The following PTCHD4 variants were observed in gnomAD, a reference collection of about 807,000 sequenced individuals.
The protein encoded by PTCHD4 is patched domain-containing protein 4.
Under a neutral mutation model 58.1 loss-of-function variants are expected in PTCHD4, and 33 were observed. That is an observed-to-expected ratio of 0.57 (90% CI 0.43 to 0.76). PTCHD4 has a LOEUF of 0.76. Among genes scored for constraint, PTCHD4 ranks in the 30% least tolerant of loss-of-function variants. The pLI, the probability that PTCHD4 is intolerant of heterozygous loss-of-function variation, is 0.00. For synonymous variants in PTCHD4, 478 were observed against 409.6 expected (o/e 1.17, Z -2.02); for missense variants, 1,058 against 1,027.1 (o/e 1.03, Z -0.41).
At chr6:48,039,719 A>G (rs1171281573) in intron 3 of PTCHD4, among the ~76,000 whole-genome samples, 1 of 152,124 alleles carries the variant, frequency 6.6e-6, no homozygotes, top group Non-Finnish European at 1.5e-5. Context: ...GAAATGTGTA[A>G]TAATATGTGG....
At chr6:48,079,117 CAAA>C (rs398001467) in intron 1 of PTCHD4, among the ~76,000 whole-genome samples, 8 of 73,174 alleles carry the variant, frequency 1.1e-4, no homozygotes, top group African/African-American at 9.5e-5. Flanking sequence ...AATTCCATCA[CAAA>C]AAAAAAAAAA....
chr6:48,100,784 A>G (rs1765588331), intron 1 of PTCHD4, among the ~76,000 whole-genome samples: 1 of 152,210 alleles, frequency 6.6e-6, no homozygotes, highest in South Asian at 2.1e-4. Context: ...TCACATAAAC[A>G]CATATACATT....
intron 3 of PTCHD4, among the ~76,000 whole-genome samples, chr6:48,051,941 C>T (rs1481861770): frequency 6.6e-6 from 1 of 151,786 alleles, no homozygotes; most frequent in Non-Finnish European, 1.5e-5. Flanking sequence ...TTCAAGTTAC[C>T]CGACTGTGCT....
intron 1 of PTCHD4, among the ~76,000 whole-genome samples, chr6:48,090,932 G>A (rs1320662167): frequency 6.6e-6 from 1 of 152,074 alleles, no homozygotes; most frequent in Non-Finnish European, 1.5e-5. Flanking sequence ...TTGTGGCAAA[G>A]TTTTCAGTTT....
intron 1 of PTCHD4, among the ~76,000 whole-genome samples, chr6:48,098,112 T>C (rs183716317): frequency 6.6e-6 from 1 of 152,134 alleles, no homozygotes; most frequent in African/African-American, 2.4e-5. Context: ...TTCCTGGACA[T>C]CAGGAAAAGC....
chr6:47,861,435 T>C lies in PTCHD4; in HGVS notation c.*16868A>G, dbSNP rs572063799. 5.3e-5 allele frequency among the ~76,000 whole-genome samples: 8 copies of C among 151,984 alleles called. No homozygotes were observed. Among genetic ancestry groups the C allele is most frequent in the Non-Finnish European group, 1.2e-4 (8 of 67,910 alleles). On this transcript the variant is annotated 3_prime_UTR_variant, in exon 5 of 5. Coordinates refer to ENST00000339488, the MANE Select transcript of PTCHD4 (RefSeq NM_001384253.1). ...ACTTACATTCACTAATTTGTTTAAGTGTATTAATTTCAAACAAAAAGATGT... is the reference window on the plus strand; with the variant it reads ...ACTTACATTCACTAATTTGTTTAAGCGTATTAATTTCAAACAAAAAGATGT...
At chr6:47,978,379 G>A (rs1581964433) in intron 4 of PTCHD4, among the ~76,000 whole-genome samples, 1 of 152,104 alleles carries the variant, frequency 6.6e-6, no homozygotes, top group Admixed American at 6.5e-5. Flanking sequence ...TAGAGGTCTG[G>A]AGAGCTCTGC....
At chr6:48,040,272 C>T (rs1763797560) in intron 3 of PTCHD4, among the ~76,000 whole-genome samples, 1 of 151,880 alleles carries the variant, frequency 6.6e-6, no homozygotes, top group Admixed American at 6.6e-5. Context: ...GATATTTTTC[C>T]ATCTTTATTT....
At chr6:48,056,491 T>C (rs1427955681) in intron 3 of PTCHD4, among the ~76,000 whole-genome samples, 2 of 152,250 alleles carry the variant, frequency 1.3e-5, no homozygotes, top group Non-Finnish European at 2.9e-5. Flanking sequence ...ATATAGTTTC[T>C]ATTTTCTCAT....
Position 48,036,554 on chromosome 6 carries a change from T to C in PTCHD4, c.418-27440A>G, listed in dbSNP as rs149697279. On this transcript the variant is annotated intron_variant, in intron 3 of 4. Coordinates refer to ENST00000339488, the MANE Select transcript of PTCHD4 (RefSeq NM_001384253.1). ...GAGAAACCACACTGTAGATGCTTTCTACCCATTAGTCATTTAGTAGCTGCC... is the reference window on the plus strand; with the variant it reads ...GAGAAACCACACTGTAGATGCTTTCCACCCATTAGTCATTTAGTAGCTGCC... 3.0e-4 allele frequency among the ~76,000 whole-genome samples: 45 copies of C among 152,296 alleles called. No individual in the cohort carries two copies. The East Asian group carries it at 8.7e-3, about 29-fold the overall frequency.
At chr6:48,055,969 C>T (rs1764391931) in intron 3 of PTCHD4, among the ~76,000 whole-genome samples, 1 of 152,186 alleles carries the variant, frequency 6.6e-6, no homozygotes, top group Admixed American at 6.5e-5. Flanking sequence ...GCAAGAGCCA[C>T]ATATGGAATA....
At chr6:48,108,925 T>C (rs1765804878) in intron 1 of PTCHD4, among the ~76,000 whole-genome samples, 1 of 151,882 alleles carries the variant, frequency 6.6e-6, no homozygotes, top group Non-Finnish European at 1.5e-5. Context: ...ACTAATAACA[T>C]TATGAAAAAG....
chr6:47,982,107 A>G (rs1044567983), intron 4 of PTCHD4, among the ~76,000 whole-genome samples: 1 of 152,166 alleles, frequency 6.6e-6, no homozygotes, highest in Non-Finnish European at 1.5e-5. Context: ...GGAGATGGAT[A>G]TATGTTGATT....
intron 4 of PTCHD4, among the ~76,000 whole-genome samples, chr6:47,923,170 TA>T (rs1765486997): frequency 6.6e-6 from 1 of 152,312 alleles, no homozygotes; most frequent in African/African-American, 2.4e-5. Context: ...TATGTTATCA[TA>T]AAAATAACAT....
At chr6:48,082,746 C>T (rs989949179) in intron 1 of PTCHD4, among the ~76,000 whole-genome samples, 7 of 151,856 alleles carry the variant, frequency 4.6e-5, no homozygotes, top group Non-Finnish European at 7.4e-5. Flanking sequence ...AAAATTAAGT[C>T]AATTAGATTT....
intron 4 of PTCHD4, among the ~76,000 whole-genome samples, chr6:47,904,796 T>C (rs1417303017): frequency 6.6e-6 from 1 of 152,166 alleles, no homozygotes; most frequent in Non-Finnish European, 1.5e-5. Flanking sequence ...TAGAGAGATA[T>C]CAAATACATA....
At chr6:47,949,669 C>A (rs1766559288) in intron 4 of PTCHD4, among the ~76,000 whole-genome samples, 1 of 152,080 alleles carries the variant, frequency 6.6e-6, no homozygotes, top group East Asian at 1.9e-4. Flanking sequence ...TTTTTCCCCC[C>A]AGATTTCCAA....
intron 4 of PTCHD4, among the ~76,000 whole-genome samples, chr6:47,998,579 G>A (rs1000531741): frequency 2.0e-5 from 3 of 152,150 alleles, no homozygotes; most frequent in East Asian, 3.9e-4. Context: ...TGCAAGAGAC[G>A]GAGGTGGATT....
chr6:47,956,804 C>T (rs758742291), intron 4 of PTCHD4, among the ~76,000 whole-genome samples: 30 of 152,178 alleles, frequency 2.0e-4, no homozygotes, highest in Admixed American at 7.2e-4. Context: ...CAGATAAGGA[C>T]TGGAAGATAA....
Sources: allele counts gnomAD v4.1 joint callset (sites outside exome capture counted in the v4.1 genomes callset), GRCh38; gene constraint gnomAD v4.1.1; transcripts MANE v1.5; gene names NCBI Gene and HGNC (gene_info 2026-07-23, HGNC 2026-07-21).